The following ZNF79 variants were observed in gnomAD, a reference collection of about 807,000 sequenced individuals.
The protein encoded by ZNF79 is zinc finger protein 79.
Under a neutral mutation model 14.9 loss-of-function variants are expected in ZNF79, and 13 were observed. The ratio of observed to expected loss-of-function variants is 0.87; its 90% CI spans 0.57 to 1.38. The LOEUF is 1.38. Ranked by LOEUF, ZNF79 falls within the 40% of genes most tolerant of loss-of-function variation. ZNF79 has a pLI of 0.00. For synonymous variants in ZNF79, 223 were observed against 235.1 expected, an observed-to-expected ratio of 0.95 and a Z score of 0.47; for missense variants, 631 against 630.6, an observed-to-expected ratio of 1.00 and a Z score of -0.01.
At chr9:127,429,217 T>C (rs575852551) in intron 2 of ZNF79, among the ~76,000 whole-genome samples, 96 of 152,294 alleles carry the variant, frequency 6.3e-4, no homozygotes, top group Admixed American at 2.1e-3. Context: ...GGTTTCACCA[T>C]GTTGGCCAGG....
At chr9:127,435,540 C>G (rs1167505233) in intron 3 of ZNF79, among the ~76,000 whole-genome samples, 1 of 152,184 alleles carries the variant, frequency 6.6e-6, no homozygotes, top group Non-Finnish European at 1.5e-5. Flanking sequence ...GGCTTGACCC[C>G]TCCTTGAGGC....
chr9:127,433,609 TG>T (rs1833897637), intron 2 of ZNF79, among the ~76,000 whole-genome samples: 2 of 152,238 alleles, frequency 1.3e-5, no homozygotes, highest in African/African-American at 4.8e-5. Context: ...CAGCTTTAGC[TG>T]ACCTGTGTGC....
At chr9:127,443,963 A>T in intron 4 of ZNF79, 66 bp from the exon 5 acceptor site, 1 of 1,381,118 alleles carries the variant, frequency 7.2e-7, no homozygotes, top group South Asian at 1.4e-5. Flanking sequence ...GAGCTTGGCC[A>T]GACTCCTTCA....
chr9:127,430,997 G>C (rs566370347), intron 2 of ZNF79, among the ~76,000 whole-genome samples: 20 of 152,188 alleles, frequency 1.3e-4, no homozygotes, highest in African/African-American at 4.8e-4. Context: ...AGAATATCTC[G>C]TCATGGTTTT....
intron 4 of ZNF79, among the ~76,000 whole-genome samples, chr9:127,438,921 G>A (rs1227636240): frequency 6.6e-6 from 1 of 152,118 alleles, no homozygotes; most frequent in Non-Finnish European, 1.5e-5. Context: ...AGACCAGCCT[G>A]GCCAACATAG....
Position 127,444,016 on chromosome 9 carries a change from A to ATT in ZNF79, c.329-5_329-4dup. ...CACCAAGGGAACACAACAGCTTTTC[A>ATT]TTTTTTTTTCAGGCTGGAAGATTAT... On this transcript the variant is annotated splice_polypyrimidine_tract_variant and intron_variant, in intron 4 of 4. Transcript: ENST00000342483. 2 of 1,550,682 alleles carry ATT rather than the reference A, an allele frequency of 1.3e-6. No homozygotes were observed.
Position 127,424,817 on chromosome 9 carries a change from G to A in ZNF79, c.16+14G>A, listed in dbSNP as rs753172076. 2.5e-6 allele frequency: 4 copies of A among 1,613,780 alleles called. No homozygotes were observed. In the South Asian group the frequency reaches 4.4e-5, roughly 18 times the overall value. ...TGGAGGAAGGAGGTGAGGAGTGGTA[G>A]AGGGAGCGATTGTCAAGAGATCGGC... On this transcript the variant is annotated intron_variant, in intron 1 of 4. Coordinates refer to ENST00000342483, the MANE Select transcript of ZNF79 (RefSeq NM_007135.3).
At chr9:127,441,749 TC>T (rs1834051007) in intron 4 of ZNF79, among the ~76,000 whole-genome samples, 1 of 151,798 alleles carries the variant, frequency 6.6e-6, no homozygotes, top group Non-Finnish European at 1.5e-5. Flanking sequence ...ATCGAGACCA[TC>T]CTGGCTAACA....
chr9:127,439,806 A>T (rs1442287515), intron 4 of ZNF79, among the ~76,000 whole-genome samples: 1 of 152,250 alleles, frequency 6.6e-6, no homozygotes, highest in Admixed American at 6.5e-5. Flanking sequence ...GTGGGGATGA[A>T]GACGTAGTTT....
intron 4 of ZNF79, among the ~76,000 whole-genome samples, chr9:127,437,074 A>G (rs1833961347): frequency 6.6e-6 from 1 of 151,442 alleles, no homozygotes. Flanking sequence ...AAAAAAAAAA[A>G]AAAAAAAGAA....
In ZNF79 at chr9:127,444,080, C is replaced by T; in HGVS notation, c.380C>T (p.Ser127Leu). The change falls in exon 5 of 5, where the codon TCA becomes TTA. Residue 127 changes from serine to leucine, a missense_variant. Transcript: ENST00000342483. ...SPPEQALSEASFQDPCVEMPP... is the reference protein window; with the variant it reads ...SPPEQALSEALFQDPCVEMPP... Reference sequence around the variant, plus strand: ...CCAGAGCAAGCCCTTTCTGAAGCTTCATTCCAAGACCCATGTGTAGAGATG... The same window carrying T: ...CCAGAGCAAGCCCTTTCTGAAGCTTTATTCCAAGACCCATGTGTAGAGATG... 1 of 1,609,492 alleles carries T rather than the reference C, an allele frequency of 6.2e-7. No individual in the cohort carries two copies. The highest frequency in any genetic ancestry group is 2.2e-5 in the East Asian group (1 of 44,756).
In ZNF79 at chr9:127,445,274, A is replaced by G; in HGVS notation, c.*77A>G. The G allele has an allele frequency of 1.4e-6, 2 of 1,473,340 alleles. No individual in the cohort carries two copies. The highest frequency in any genetic ancestry group is 2.3e-5 in the East Asian group (1 of 44,030). 91.3% of individuals were successfully genotyped at this position (1,473,340 alleles called of 1,614,324 possible). ...GGTGGGTGAGGATCTGAGAAATGCT[A>G]AAGGCTTGAAAGCATCTGAAGACAT... On this transcript the variant is annotated 3_prime_UTR_variant, in exon 5 of 5. Transcript: ENST00000342483.
intron 1 of ZNF79, among the ~76,000 whole-genome samples, chr9:127,427,792 A>G (rs1833787476): frequency 6.6e-6 from 1 of 151,532 alleles, no homozygotes. Context: ...GTGATTATAG[A>G]TGTGAGTCGT....
At chr9:127,437,227 G>A (rs2131955304) in intron 4 of ZNF79, among the ~76,000 whole-genome samples, 1 of 152,132 alleles carries the variant, frequency 6.6e-6, no homozygotes, top group South Asian at 2.1e-4. Context: ...CATCCTCTAA[G>A]CAGACTGTTG....
intron 4 of ZNF79, among the ~76,000 whole-genome samples, chr9:127,441,075 T>C (rs1261679164): frequency 6.6e-6 from 1 of 152,130 alleles, no homozygotes; most frequent in Non-Finnish European, 1.5e-5. Context: ...CTTGTCACTC[T>C]TCCTCTCCTT....
chr9:127,432,309 G>T (rs957285704), intron 2 of ZNF79, among the ~76,000 whole-genome samples: 1 of 151,590 alleles, frequency 6.6e-6, no homozygotes, highest in Admixed American at 6.6e-5. Context: ...CACCACACCC[G>T]GCTAATTTTT....
chr9:127,426,377 T>C (rs1024428072), intron 1 of ZNF79, among the ~76,000 whole-genome samples: 6 of 151,014 alleles, frequency 4.0e-5, no homozygotes, highest in African/African-American at 1.2e-4. Flanking sequence ...TGTGACTTTT[T>C]TTTTTTTTTT....
At chr9:127,435,822 A>G (rs1378147717) in intron 3 of ZNF79, 86 bp from the exon 4 acceptor site, 28 of 1,049,090 alleles carry the variant, frequency 2.7e-5, no homozygotes, top group Middle Eastern at 2.1e-4. Context: ...GAACAGTCCA[A>G]CTGGCCTACT....
intron 1 of ZNF79, among the ~76,000 whole-genome samples, chr9:127,427,530 A>G (rs1330530796): frequency 6.8e-6 from 1 of 147,146 alleles, no homozygotes; most frequent in Non-Finnish European, 1.5e-5. Flanking sequence ...GTACCCAGTC[A>G]ATAACTAAAT....
Sources: gnomAD v4.1 joint callset for allele counts (sites outside exome capture counted in the v4.1 genomes callset) on GRCh38, gnomAD v4.1.1 for gene constraint, MANE v1.5 for transcripts, NCBI Gene and HGNC (gene_info 2026-07-23, HGNC 2026-07-21) for gene names.